PLXNA4: variants seen among roughly 807,000 people sequenced by gnomAD.
PLXNA4 encodes the protein plexin A4, also known as plexin-A4.
Under a neutral mutation model 191.8 loss-of-function variants are expected in PLXNA4, and 44 were observed. The observed-to-expected ratio is 0.23, with a 90% CI of 0.18 to 0.29. PLXNA4 has a LOEUF of 0.29. Among genes scored for constraint, PLXNA4 ranks in the 10% least tolerant of loss-of-function variants. The pLI is 1.00. For missense variants in PLXNA4, 1,800 were observed against 2,488.8 expected (o/e 0.72, Z 5.89); for synonymous variants, 1,082 against 1,009.5 (o/e 1.07, Z -1.36).
At chr7:132,257,455 G>C (rs1799472731) in intron 4 of PLXNA4, among the ~76,000 whole-genome samples, 1 of 152,182 alleles carries the variant, frequency 6.6e-6, no homozygotes, top group African/African-American at 2.4e-5. Context: ...ATGTCACCCT[G>C]GCCAAACCCA....
At chr7:132,172,442 C>A (rs950066244) in intron 21 of PLXNA4, among the ~76,000 whole-genome samples, 1 of 152,182 alleles carries the variant, frequency 6.6e-6, no homozygotes, top group African/African-American at 2.4e-5. Context: ...AAGAGGACAC[C>A]TCCTTCTTCA....
chr7:132,572,860 G>A (rs1315979845), intron 1 of PLXNA4, among the ~76,000 whole-genome samples: 1 of 152,204 alleles, frequency 6.6e-6, no homozygotes, highest in Admixed American at 6.5e-5. Flanking sequence ...AGCATAGCTC[G>A]ATAGAGCCTA....
At chr7:132,386,036 A>G (rs1200745483) in intron 3 of PLXNA4, among the ~76,000 whole-genome samples, 1 of 152,210 alleles carries the variant, frequency 6.6e-6, no homozygotes, top group African/African-American at 2.4e-5. Flanking sequence ...CATTTAGTAA[A>G]GATGGCATGA....
chr7:132,483,818 T>G (rs1455795453), intron 3 of PLXNA4, among the ~76,000 whole-genome samples: 1 of 152,252 alleles, frequency 6.6e-6, no homozygotes, highest in Admixed American at 6.5e-5. Flanking sequence ...TGACAAGTGT[T>G]CCTGAGAAAC....
intron 1 of PLXNA4, among the ~76,000 whole-genome samples, chr7:132,561,106 G>A (rs193182376): frequency 2.0e-5 from 3 of 151,952 alleles, no homozygotes; most frequent in African/African-American, 7.3e-5. Context: ...AGCCTCTGCC[G>A]TGTTGCCCCT....
intron 23 of PLXNA4, 101 bp from the exon 24 acceptor site, chr7:132,164,389 C>T: frequency 6.0e-6 from 9 of 1,497,688 alleles, no homozygotes; most frequent in Admixed American, 2.1e-5. Context: ...CCTGCCAAGT[C>T]CCTGCACCTG....
At chr7:132,485,934 C>T (rs1797542330) in intron 3 of PLXNA4, among the ~76,000 whole-genome samples, 1 of 152,136 alleles carries the variant, frequency 6.6e-6, no homozygotes, top group South Asian at 2.1e-4. Context: ...TCATGCCTTT[C>T]AAGCAAAATA....
intron 3 of PLXNA4, among the ~76,000 whole-genome samples, chr7:132,353,603 T>C (rs909493000): frequency 6.6e-6 from 1 of 152,194 alleles, no homozygotes; most frequent in Non-Finnish European, 1.5e-5. Context: ...GATGTTGACT[T>C]TCCTGAAGCT....
chr7:132,201,383 G>A (rs1480410051), intron 12 of PLXNA4, among the ~76,000 whole-genome samples: 1 of 152,196 alleles, frequency 6.6e-6, no homozygotes, highest in Non-Finnish European at 1.5e-5. Context: ...GGGTGTAAAG[G>A]TGTGGTGCAA....
chr7:132,265,695 A>G (rs1481633182), intron 4 of PLXNA4, among the ~76,000 whole-genome samples: 1 of 152,198 alleles, frequency 6.6e-6, no homozygotes, highest in Non-Finnish European at 1.5e-5. Context: ...CCTAGCAGAT[A>G]CACATGTGAA....
At chr7:132,344,300 AC>A (rs1803154367) in intron 3 of PLXNA4, among the ~76,000 whole-genome samples, 1 of 151,954 alleles carries the variant, frequency 6.6e-6, no homozygotes, top group South Asian at 2.1e-4. Flanking sequence ...AATGTGCCCC[AC>A]AGATATTATC....
rs1160763366 is a variant in PLXNA4, at chr7:132,618,422, T to C, written c.-87+27506A>G. 2.6e-5 allele frequency among the ~76,000 whole-genome samples: 4 copies of C among 152,130 alleles called. No homozygotes were observed. The East Asian group carries it at 7.7e-4, about 29-fold the overall frequency. On this transcript the variant is annotated intron_variant, in intron 2 of 4. Coordinates refer to the PLXNA4 transcript ENST00000378539. The stretch of plus-strand genomic sequence containing the variant: ...CATTCTGTCTGTTTACTATTGCATC[T>C]CCAGGCCCTGGCACTTGGTAGGTTC...
intron 4 of PLXNA4, among the ~76,000 whole-genome samples, chr7:132,269,691 C>CT (rs1799991412): frequency 6.6e-6 from 1 of 151,886 alleles, no homozygotes; most frequent in African/African-American, 2.4e-5. Context: ...AACTGTTGCC[C>CT]TTCCAAAAAC....
intron 14 of PLXNA4, among the ~76,000 whole-genome samples, chr7:132,193,247 C>G (rs996611129): frequency 2.0e-5 from 3 of 152,172 alleles, no homozygotes; most frequent in African/African-American, 7.2e-5. Flanking sequence ...CAGTTCCACC[C>G]TCTCCCGCTC....
intron 3 of PLXNA4, among the ~76,000 whole-genome samples, chr7:132,414,501 G>A (rs1289701063): frequency 6.6e-6 from 1 of 152,148 alleles, no homozygotes; most frequent in Non-Finnish European, 1.5e-5. Context: ...GTGGCAGAGA[G>A]GTGACCGAGA....
At chr7:132,393,529 T>C (rs1793612202) in intron 3 of PLXNA4, among the ~76,000 whole-genome samples, 2 of 152,184 alleles carry the variant, frequency 1.3e-5, no homozygotes, top group African/African-American at 4.8e-5. Context: ...AAGTCCTACT[T>C]TTGTTAGCTA....
At chr7:132,330,540 T>C (rs1802550520) in intron 3 of PLXNA4, among the ~76,000 whole-genome samples, 1 of 152,206 alleles carries the variant, frequency 6.6e-6, no homozygotes, top group African/African-American at 2.4e-5. Flanking sequence ...CCGCACACTT[T>C]AAAATGTGAA....
In PLXNA4 at chr7:132,385,206, G is replaced by A. The variant is rs1387885006; in HGVS notation, c.1372-86984C>T. The A allele has an allele frequency of 4.3e-6, 7 of 1,613,884 alleles. No homozygotes were observed. The African/African-American group carries it at 8.0e-5, about 18-fold the overall frequency. On this transcript the variant is annotated intron_variant, in intron 3 of 31. Coordinates refer to ENST00000321063, the MANE Select transcript of PLXNA4 (RefSeq NM_020911.2). ...GTTTTTCTCAGTTTGATGAACAGCTGGAGAACAGGAGTTCCAGAGTCACTG... is the reference window on the plus strand; with the variant it reads ...GTTTTTCTCAGTTTGATGAACAGCTAGAGAACAGGAGTTCCAGAGTCACTG...
At chr7:132,377,789 C>T (rs543052361) in intron 3 of PLXNA4, among the ~76,000 whole-genome samples, 19 of 152,210 alleles carry the variant, frequency 1.2e-4, no homozygotes, top group Admixed American at 4.6e-4. Context: ...CCAGGGGTAA[C>T]GAGTGAAATG....
Sources: gnomAD v4.1 joint callset for allele counts (sites outside exome capture counted in the v4.1 genomes callset) on GRCh38, gnomAD v4.1.1 for gene constraint, MANE v1.5 for transcripts, NCBI Gene and HGNC (gene_info 2026-07-23, HGNC 2026-07-21) for gene names.